Variants in CNTNAP4 observed in about 807,000 individuals in gnomAD.
CNTNAP4 encodes contactin associated protein family member 4.
CNTNAP4 carries 98 observed loss-of-function variants against 148.4 expected under a neutral mutation model. That is an observed-to-expected ratio of 0.66 (90% CI 0.56 to 0.78). The LOEUF is 0.78. CNTNAP4 is among the 30% of genes least tolerant of loss of function. The pLI is 0.00. For missense variants in CNTNAP4, 1,935 were observed against 1,565.6 expected (o/e 1.24, Z -3.98); for synonymous variants, 730 against 565.1 (o/e 1.29, Z -4.14).
At chr16:76,330,656 C>G (rs180857147) in intron 2 of CNTNAP4, among the ~76,000 whole-genome samples, 2 of 152,308 alleles carry the variant, frequency 1.3e-5, no homozygotes, top group Admixed American at 1.3e-4. Context: ...TATAGTTTCT[C>G]TTAGCTAGCC....
intron 2 of CNTNAP4, among the ~76,000 whole-genome samples, chr16:76,343,523 T>C (rs1567781808): frequency 6.6e-6 from 1 of 152,142 alleles, no homozygotes; most frequent in African/African-American, 2.4e-5. Flanking sequence ...GAATAACTAG[T>C]AGCATGTAAT....
chr16:76,437,338 T>C (rs1346912407), intron 4 of CNTNAP4, among the ~76,000 whole-genome samples: 3 of 152,096 alleles, frequency 2.0e-5, no homozygotes, highest in African/African-American at 7.2e-5. Flanking sequence ...CTTTGCATAC[T>C]TCAGTCCAAT....
rs895350731 is a variant in CNTNAP4 at position 76,462,553 on chromosome 16, C to G, written c.1483+448C>G. ...GGACAAATAATTTAACTTAATCAGC[C>G]CCAGCAACCTCTTCTCCTTGTTAAG... On this transcript the variant is annotated intron_variant, in intron 9 of 23. Transcript: ENST00000611870. Among the ~76,000 whole-genome samples the G allele has an allele frequency of 2.6e-5, 4 of 152,096 alleles. No homozygotes were observed. In the East Asian group the frequency reaches 7.7e-4, roughly 29 times the overall value.
In CNTNAP4 at chr16:76,318,085, C is replaced by G. The variant is rs554359907; in HGVS notation, c.196+1562C>G. Among the ~76,000 whole-genome samples the G allele has an allele frequency of 2.6e-5, 4 of 152,310 alleles. No homozygotes were observed. In the South Asian group the frequency reaches 6.2e-4, roughly 24 times the overall value. Reference sequence around the variant, plus strand: ...CCATCAGGGGACTTTCCTAGCCTCTCTGATGGCCATTCCAGGCCCTGTACC... The same window carrying G: ...CCATCAGGGGACTTTCCTAGCCTCTGTGATGGCCATTCCAGGCCCTGTACC... On this transcript the variant is annotated intron_variant, in intron 2 of 23. Coordinates refer to ENST00000611870, the MANE Select transcript of CNTNAP4 (RefSeq NM_033401.5).
At chr16:76,283,534 T>A (rs886388805) in intron 1 of CNTNAP4, among the ~76,000 whole-genome samples, 2 of 151,986 alleles carry the variant, frequency 1.3e-5, no homozygotes, top group Admixed American at 1.3e-4. Flanking sequence ...TGGAGACCAC[T>A]ATTCTTGGCA....
rs141159336 is a variant in CNTNAP4 at position 76,284,796 on chromosome 16, A to G, written c.85+7049A>G. ...ATGCATGCATTTATTTGACTTTTGA[A>G]ACTGGCTTTCCTTGTTTTTAATCTA... On this transcript the variant is annotated intron_variant, in intron 1 of 23. Transcript: ENST00000611870. Among the ~76,000 whole-genome samples the G allele has an allele frequency of 3.1e-3, 477 of 152,110 alleles. 5 individuals carry two copies. The highest frequency in any genetic ancestry group is 0.011 in the African/African-American group (450 of 41,528).
chr16:76,361,056 C>G (rs2144546630), intron 3 of CNTNAP4, among the ~76,000 whole-genome samples: 1 of 152,006 alleles, frequency 6.6e-6, no homozygotes, highest in South Asian at 2.1e-4. Flanking sequence ...ATTTGCTGAC[C>G]TCGTGGTCCG....
intron 3 of CNTNAP4, among the ~76,000 whole-genome samples, chr16:76,413,574 C>A (rs1342777955): frequency 7.4e-6 from 1 of 135,858 alleles, no homozygotes; most frequent in Non-Finnish European, 1.7e-5. Flanking sequence ...AAAAAAAAAA[C>A]CCTCCAACTT....
intron 3 of CNTNAP4, among the ~76,000 whole-genome samples, chr16:76,374,061 A>G (rs74026753): frequency 0.037 from 5,618 of 152,214 alleles, 320 homozygotes; most frequent in African/African-American, 0.13. Flanking sequence ...TTTGAATACC[A>G]TTCTTTCATT....
At chr16:76,514,859 A>C (rs368141230) in intron 15 of CNTNAP4, among the ~76,000 whole-genome samples, 2 of 152,198 alleles carry the variant, frequency 1.3e-5, no homozygotes, top group Non-Finnish European at 2.9e-5. Context: ...GTTAAAATCT[A>C]TATTTTTCAG....
intron 8 of CNTNAP4, among the ~76,000 whole-genome samples, chr16:76,459,161 A>G (rs2080844384): frequency 1.3e-5 from 2 of 152,218 alleles, no homozygotes; most frequent in Admixed American, 1.3e-4. Flanking sequence ...TGCCAGGGGC[A>G]GGTGGGTAGA....
rs984040392 is a variant in CNTNAP4 at position 76,552,054 on chromosome 16, C to T, written c.3443-1229C>T. ...TGGGAGGCCTCAGGAAACTTATAAT[C>T]GGAAAGCAACTTATAGGCAGAAAGC... On this transcript the variant is annotated intron_variant, in intron 21 of 23. Transcript: ENST00000611870. 1.2e-4 allele frequency among the ~76,000 whole-genome samples: 18 copies of T among 152,206 alleles called. No individual in the cohort carries two copies. The South Asian group carries it at 2.1e-3, about 18-fold the overall frequency.
intron 2 of CNTNAP4, among the ~76,000 whole-genome samples, chr16:76,323,779 A>G (rs1203648335): frequency 6.6e-6 from 1 of 152,066 alleles, no homozygotes; most frequent in African/African-American, 2.4e-5. Flanking sequence ...TATGGCCCAC[A>G]GTCTTCAGCT....
intron 11 of CNTNAP4, among the ~76,000 whole-genome samples, chr16:76,477,863 C>G (rs954329521): frequency 6.6e-6 from 1 of 152,076 alleles, no homozygotes; most frequent in African/African-American, 2.4e-5. Flanking sequence ...AAATATAAAC[C>G]AAACAACTCT....
chr16:76,421,038 A>C (rs906751992), intron 3 of CNTNAP4, among the ~76,000 whole-genome samples: 2 of 152,166 alleles, frequency 1.3e-5, no homozygotes, highest in African/African-American at 4.8e-5. Context: ...CTGTGTTTCA[A>C]CAATAGTTAC....
At position 76,277,467 on chromosome 16, in the gene CNTNAP4, G is replaced by T. The variant is rs1486047676; in HGVS notation, c.-196G>T. ...AGAGAAAAGAGAGAGACAGAGACGG[G>T]GAGAGAGAGAGGGAGAGAGAAGAGA... is the stretch of plus-strand genomic sequence containing the variant. On this transcript the variant is annotated 5_prime_UTR_variant, in exon 1 of 24. Transcript: ENST00000611870. 1 of 565,016 alleles carries T rather than the reference G, an allele frequency of 1.8e-6. No individual in the cohort carries two copies. Among genetic ancestry groups the T allele is most frequent in the Non-Finnish European group, 3.1e-6 (1 of 317,974 alleles). 35.0% of individuals were successfully genotyped at this position (565,016 alleles called of 1,614,324 possible).
intron 14 of CNTNAP4, among the ~76,000 whole-genome samples, chr16:76,495,412 A>G (rs1053664516): frequency 6.6e-6 from 1 of 152,106 alleles, no homozygotes; most frequent in Non-Finnish European, 1.5e-5. Context: ...CATTTCTTCA[A>G]TAGTCTACCT....
At chr16:76,405,943 G>A (rs1430523338) in intron 3 of CNTNAP4, among the ~76,000 whole-genome samples, 6 of 152,034 alleles carry the variant, frequency 3.9e-5, no homozygotes, top group African/African-American at 1.2e-4. Context: ...TGGGCCAGGT[G>A]CAGTGGCTCA....
intron 1 of CNTNAP4, among the ~76,000 whole-genome samples, chr16:76,279,630 T>C (rs1057204653): frequency 1.1e-4 from 16 of 152,192 alleles, no homozygotes; most frequent in Admixed American, 2.0e-4. Flanking sequence ...TTGCAAAACC[T>C]ATACGATTTT....
Sources: gnomAD v4.1 joint callset for allele counts (sites outside exome capture counted in the v4.1 genomes callset) on GRCh38, gnomAD v4.1.1 for gene constraint, MANE v1.5 for transcripts, NCBI Gene and HGNC (gene_info 2026-07-23, HGNC 2026-07-21) for gene names.